The following ADAMTS16 variants were observed in gnomAD, a reference collection of about 807,000 sequenced individuals.
ADAMTS16 encodes the protein ADAM metallopeptidase with thrombospondin type 1 motif 16.
A neutral mutation model predicts 145.8 loss-of-function variants in ADAMTS16; 94 were observed. The ratio of observed to expected loss-of-function variants is 0.64; its 90% CI spans 0.55 to 0.77. ADAMTS16 has a LOEUF of 0.77. ADAMTS16 is among the 30% of genes least tolerant of loss of function. The probability of loss-of-function intolerance (pLI) is 0.00; values close to 1 mark genes in which losing one functional copy is unlikely to be tolerated. For missense variants in ADAMTS16, 1,585 were observed against 1,591.5 expected (o/e 1.00, Z 0.07); for synonymous variants, 659 against 604.3 (o/e 1.09, Z -1.33).
chr5:5,167,261 GGCAGTT>G (rs1427912142), intron 3 of ADAMTS16, among the ~76,000 whole-genome samples: 1 of 152,128 alleles, frequency 6.6e-6, no homozygotes, highest in Non-Finnish European at 1.5e-5. Flanking sequence ...TCTCATAACA[GGCAGTT>G]CATGAATAGT....
intron 18 of ADAMTS16, among the ~76,000 whole-genome samples, chr5:5,270,799 C>G (rs774171371): frequency 6.6e-6 from 1 of 152,142 alleles, no homozygotes. Context: ...ACCCATGTTC[C>G]GTTTCTCTGA....
rs1351830809 is a variant in ADAMTS16, at chr5:5,303,484, G to A, written c.2991+15G>A. The A allele has an allele frequency of 1.9e-6, 3 of 1,608,220 alleles. No homozygotes were observed. The highest frequency in any genetic ancestry group is 2.6e-6 in the Non-Finnish European group (3 of 1,175,996). On this transcript the variant is annotated intron_variant, in intron 19 of 22. Coordinates refer to ENST00000274181, the MANE Select transcript of ADAMTS16 (RefSeq NM_139056.4). ...CCTGGGCAGAGGTAACCAGGGTGGG[G>A]TTGGCATGGGTGGCAGCAGGGCCCC... is the stretch of plus-strand genomic sequence containing the variant.
At chr5:5,223,093 C>G in intron 11 of ADAMTS16, 1 of 549,386 alleles carries the variant, frequency 1.8e-6, no homozygotes, top group Non-Finnish European at 3.2e-6. Flanking sequence ...AATTGATGAG[C>G]TACCTGGAAT....
intron 17 of ADAMTS16, among the ~76,000 whole-genome samples, chr5:5,259,949 C>T (rs1737947185): frequency 6.6e-6 from 1 of 152,234 alleles, no homozygotes. Flanking sequence ...ACTTCTCCTG[C>T]CTGGGGGGAC....
chr5:5,273,380 T>C (rs1293297444), intron 18 of ADAMTS16, among the ~76,000 whole-genome samples: 1 of 152,088 alleles, frequency 6.6e-6, no homozygotes, highest in African/African-American at 2.4e-5. Context: ...AAAACTTAGC[T>C]GATGTGGTGG....
chr5:5,150,432 G>A (rs1287796439), intron 3 of ADAMTS16, among the ~76,000 whole-genome samples: 2 of 152,194 alleles, frequency 1.3e-5, no homozygotes, highest in Non-Finnish European at 2.9e-5. Flanking sequence ...ATCATCACGG[G>A]CCGGTGCACA....
Position 5,317,910 on chromosome 5 carries a change from C to A in ADAMTS16, c.3412-224C>A, listed in dbSNP as rs537970277. Among the ~76,000 whole-genome samples, 4 of 152,294 alleles carry A rather than the reference C, an allele frequency of 2.6e-5. No individual in the cohort carries two copies. The South Asian group carries it at 8.3e-4, about 32-fold the overall frequency. On this transcript the variant is annotated intron_variant, in intron 21 of 22. Transcript: ENST00000274181. The surrounding 1 kb of genome is among the most constrained non-coding windows in gnomAD (Gnocchi z 4.5). ...TTGGTTTGGAATGCTCTGCTAGAGG[C>A]CTGGCCCAGCACATGCCTGGTGCTT...
At chr5:5,165,135 C>A (rs977698035) in intron 3 of ADAMTS16, among the ~76,000 whole-genome samples, 1 of 152,162 alleles carries the variant, frequency 6.6e-6, no homozygotes, top group African/African-American at 2.4e-5. Context: ...CCAGCCCCAG[C>A]AACCACTCCT....
chr5:5,189,482 A>G (rs1735597821), intron 6 of ADAMTS16, among the ~76,000 whole-genome samples: 1 of 152,222 alleles, frequency 6.6e-6, no homozygotes, highest in Non-Finnish European at 1.5e-5. Flanking sequence ...CCTTTGTAGA[A>G]AAGATATTTA....
At chr5:5,202,552 G>C (rs1463280983) in intron 9 of ADAMTS16, among the ~76,000 whole-genome samples, 3 of 152,178 alleles carry the variant, frequency 2.0e-5, no homozygotes, top group East Asian at 3.9e-4. Context: ...TTCTCTCTGT[G>C]TGTGTGTAGA....
intron 8 of ADAMTS16, 30 bp from the exon 9 acceptor site, chr5:5,200,102 G>A: frequency 7.0e-7 from 1 of 1,425,886 alleles, no homozygotes; most frequent in South Asian, 1.3e-5. Flanking sequence ...TGTTCTGAAA[G>A]AACCATCTCT....
chr5:5,190,928 G>A (rs1735647933), intron 7 of ADAMTS16, among the ~76,000 whole-genome samples: 1 of 151,838 alleles, frequency 6.6e-6, no homozygotes, highest in East Asian at 1.9e-4. Flanking sequence ...TACAAACAGT[G>A]TGGTTTCCTT....
chr5:5,140,408 G>T lies in ADAMTS16; in HGVS notation c.-60G>T, dbSNP rs2126491357. 1 of 1,470,710 alleles carries T rather than the reference G, an allele frequency of 6.8e-7. No individual in the cohort carries two copies. The allele number at this position is 1,470,710 out of a possible 1,614,324, so 91.1% of individuals were successfully genotyped here. A position where few individuals can be genotyped will look rare whatever the true frequency, so the allele number is the denominator to read the frequency against. ...TGCCTGGGTCGGGTCCTCCCTGCCC[G>T]CTCGCACGCTGCCGGCCGGGGACCC... On this transcript the variant is annotated 5_prime_UTR_variant, in exon 1 of 23. Coordinates refer to ENST00000274181, the MANE Select transcript of ADAMTS16 (RefSeq NM_139056.4).
intron 10 of ADAMTS16, among the ~76,000 whole-genome samples, chr5:5,210,570 A>G (rs1736248642): frequency 6.6e-6 from 1 of 152,148 alleles, no homozygotes; most frequent in South Asian, 2.1e-4. Flanking sequence ...TCCAGTAACA[A>G]TTATTCTCAT....
intron 3 of ADAMTS16, among the ~76,000 whole-genome samples, chr5:5,168,407 C>T (rs1045836057): frequency 5.8e-5 from 8 of 139,114 alleles, no homozygotes; most frequent in Non-Finnish European, 7.7e-5. Flanking sequence ...TTCTGGTTTG[C>T]GGGTGGTCAT....
At chr5:5,225,392 C>G (rs1736731065) in intron 11 of ADAMTS16, among the ~76,000 whole-genome samples, 1 of 152,122 alleles carries the variant, frequency 6.6e-6, no homozygotes, top group African/African-American at 2.4e-5. Flanking sequence ...ACGACGAGGT[C>G]AAGAGATCGA....
At position 5,291,333 on chromosome 5, in the gene ADAMTS16, G is replaced by A. The variant is rs149374193; in HGVS notation, c.2790-11935G>A. ...ACACAGGCTGAGGGACTGAATGTCT[G>A]GAATCCTGTGGACCACATGTGAATG... On this transcript the variant is annotated intron_variant, in intron 18 of 22. Transcript: ENST00000274181. Among the ~76,000 whole-genome samples, 1,004 of 152,228 alleles carry A rather than the reference G, an allele frequency of 6.6e-3. 6 individuals carry two copies. The highest frequency in any genetic ancestry group is 0.023 in the African/African-American group (955 of 41,542).
intron 20 of ADAMTS16, among the ~76,000 whole-genome samples, chr5:5,305,346 C>T (rs1412215765): frequency 8.5e-6 from 1 of 117,362 alleles, no homozygotes; most frequent in Non-Finnish European, 1.8e-5. Flanking sequence ...CACACACACA[C>T]ATCCCACACC....
chr5:5,302,792 A>G (rs1160050887), intron 18 of ADAMTS16, among the ~76,000 whole-genome samples: 1 of 152,136 alleles, frequency 6.6e-6, no homozygotes, highest in East Asian at 1.9e-4. Context: ...TGGTGATATT[A>G]CGGTTATGTT....
Sources: allele counts gnomAD v4.1 joint callset (sites outside exome capture counted in the v4.1 genomes callset), GRCh38; gene constraint gnomAD v4.1.1; non-coding constraint Gnocchi (gnomAD v3.1); transcripts MANE v1.5; gene names NCBI Gene and HGNC (gene_info 2026-07-23, HGNC 2026-07-21).